The following SCN10A variants were observed in gnomAD, a reference collection of about 807,000 sequenced individuals.
The protein encoded by SCN10A is sodium voltage-gated channel alpha subunit 10.
Under a neutral mutation model 170.7 loss-of-function variants are expected in SCN10A, and 162 were observed. The observed-to-expected ratio is 0.95, with a 90% CI of 0.84 to 1.08. The LOEUF is 1.08. Among genes scored for constraint, SCN10A ranks in the 50% least tolerant of loss-of-function variants. The probability of loss-of-function intolerance (pLI) is 0.00; values close to 1 mark genes in which losing one functional copy is unlikely to be tolerated. For missense variants in SCN10A, 2,527 were observed against 2,436.9 expected, an observed-to-expected ratio of 1.04 and a Z score of -0.78; for synonymous variants, 985 against 904.6, an observed-to-expected ratio of 1.09 and a Z score of -1.59.
rs114406379 is a variant in SCN10A, at chr3:38,759,132, C to T, written c.950+1549G>A. On this transcript the variant is annotated intron_variant, in intron 8 of 27. Transcript: ENST00000449082. Reference sequence around the variant, plus strand: ...CCTAGTGAGCTGATGAAGGTGGAGCCTCATGCAGGCTCCACACAGGTCGAC... The same window carrying T: ...CCTAGTGAGCTGATGAAGGTGGAGCTTCATGCAGGCTCCACACAGGTCGAC... Among the ~76,000 whole-genome samples, 1,135 of 152,244 alleles carry T rather than the reference C, an allele frequency of 7.5e-3. 15 individuals are homozygous for T. Among genetic ancestry groups the T allele is most frequent in the African/African-American group, 0.024 (1,003 of 41,554 alleles).
intron 27 of SCN10A, among the ~76,000 whole-genome samples, chr3:38,699,941 C>T (rs1328786632): frequency 2.6e-5 from 4 of 152,132 alleles, no homozygotes; most frequent in African/African-American, 7.2e-5. Context: ...CCTGCCCCAG[C>T]GGATGGTGCT....
Position 38,725,305 on chromosome 3 carries a change from G to A in SCN10A, c.3097C>T (p.Leu1033=). The stretch of plus-strand genomic sequence containing the variant: ...TCCCCACACCTCTCGACTTGCTGCA[G>A]CTGCTCCTGCTAGTGAGAGAGGGTC... The part of the protein sequence containing the change: ...EVIPKGQQEQ[L]QQVERCGDHL... The change falls in exon 18 of 28, where the codon CTG becomes TTG. Residue 1033 remains leucine, a synonymous_variant. Coordinates refer to ENST00000449082, the MANE Select transcript of SCN10A (RefSeq NM_006514.4). 6.3e-7 allele frequency: 1 copy of A among 1,577,086 alleles called. No homozygotes were observed. Among genetic ancestry groups the A allele is most frequent in the Non-Finnish European group, 8.7e-7 (1 of 1,151,730 alleles).
chr3:38,713,409 A>G (rs1207509309), intron 22 of SCN10A, among the ~76,000 whole-genome samples: 1 of 152,194 alleles, frequency 6.6e-6, no homozygotes, highest in Non-Finnish European at 1.5e-5. Flanking sequence ...GGTGATTGAG[A>G]TAATAGATGC....
intron 13 of SCN10A, among the ~76,000 whole-genome samples, chr3:38,744,516 T>C: frequency 6.6e-6 from 1 of 152,198 alleles, no homozygotes; most frequent in South Asian, 2.1e-4. Context: ...TTTTAAATTA[T>C]ACTTTAAGTT....
intron 19 of SCN10A, among the ~76,000 whole-genome samples, chr3:38,722,881 T>C (rs1366537682): frequency 2.0e-5 from 3 of 152,244 alleles, no homozygotes; most frequent in Non-Finnish European, 4.4e-5. Context: ...AATTTTTCTT[T>C]GTATTTTTAG....
intron 5 of SCN10A, among the ~76,000 whole-genome samples, chr3:38,768,957 CT>C (rs1453380161): frequency 4.6e-5 from 7 of 151,920 alleles, no homozygotes; most frequent in African/African-American, 1.7e-4. Flanking sequence ...TTTAAAAATT[CT>C]TTCTTTTTGT....
chr3:38,766,770 T>C (rs1008875452), intron 5 of SCN10A, among the ~76,000 whole-genome samples: 12 of 152,180 alleles, frequency 7.9e-5, no homozygotes, highest in Non-Finnish European at 1.6e-4. Context: ...ATTCCCTCTT[T>C]CTGCATCTTT....
chr3:38,706,870 T>C (rs2063216158), intron 26 of SCN10A, among the ~76,000 whole-genome samples: 1 of 152,100 alleles, frequency 6.6e-6, no homozygotes, highest in Non-Finnish European at 1.5e-5. Context: ...TCTATACCTG[T>C]AGGCGTGGGG....
intron 21 of SCN10A, among the ~76,000 whole-genome samples, chr3:38,717,436 G>A (rs1003239577): frequency 1.3e-5 from 2 of 152,216 alleles, no homozygotes; most frequent in African/African-American, 2.4e-5. Context: ...GCCCCCAAAG[G>A]GGTGGGACAC....
At chr3:38,712,030 G>T in intron 23 of SCN10A, 131 bp downstream of exon 23, 1 of 838,232 alleles carries the variant, frequency 1.2e-6, no homozygotes, top group Non-Finnish European at 1.9e-6. Flanking sequence ...TGTAGGAATA[G>T]AGAATGACCT....
At chr3:38,719,253 G>A (rs529287701) in intron 20 of SCN10A, among the ~76,000 whole-genome samples, 8 of 152,066 alleles carry the variant, frequency 5.3e-5, no homozygotes, top group Non-Finnish European at 1.0e-4. Context: ...TATCTCACTG[G>A]TAATCAAGGA....
At chr3:38,813,893 T>C (rs1208096766) in intron 1 of SCN10A, among the ~76,000 whole-genome samples, 2 of 152,242 alleles carry the variant, frequency 1.3e-5, no homozygotes, top group Non-Finnish European at 2.9e-5. Context: ...CACATTCGAA[T>C]CTTATTCCCA....
At chr3:38,782,746 A>C (rs2126051089) in intron 4 of SCN10A, among the ~76,000 whole-genome samples, 1 of 152,176 alleles carries the variant, frequency 6.6e-6, no homozygotes, top group Middle Eastern at 3.4e-3. Flanking sequence ...TTATATTTTC[A>C]GTGTTCTGCA....
At chr3:38,734,758 T>C (rs903526720) in intron 15 of SCN10A, among the ~76,000 whole-genome samples, 3 of 152,216 alleles carry the variant, frequency 2.0e-5, no homozygotes, top group Non-Finnish European at 4.4e-5. Context: ...AGGATTCTTT[T>C]TGGGATCAGA....
rs745921364 is a variant in SCN10A at position 38,723,545 on chromosome 3, G to A, written c.3237C>T (p.Asp1079=). 49 of 1,594,082 alleles carry A rather than the reference G, an allele frequency of 3.1e-5. No individual in the cohort carries two copies. Among genetic ancestry groups the A allele is most frequent in the Middle Eastern group, 1.6e-4 (1 of 6,062 alleles). ...SVPQVPAEGV[D]DTSSSEGSTV... ...TGCTGCCCTCAGAGGAGCTTGTGTC[G>A]TCCACTCCCTGCAGGGGAGAAGCCC... Residue 1079 remains aspartate, a synonymous_variant, in exon 19 of 28, where the codon GAC becomes GAT. Coordinates refer to ENST00000449082, the MANE Select transcript of SCN10A (RefSeq NM_006514.4).
Position 38,757,002 on chromosome 3 carries a change from G to C in SCN10A, c.1092+16C>G. On this transcript the variant is annotated intron_variant, in intron 9 of 27. Transcript: ENST00000449082. ...AGCCTCCAACCAAGTCTGCGTGGGGGAATGCAGCTCAGTACCTGCTGGTAG... is the reference window on the plus strand; with the variant it reads ...AGCCTCCAACCAAGTCTGCGTGGGGCAATGCAGCTCAGTACCTGCTGGTAG... 6.2e-7 allele frequency: 1 copy of C among 1,605,194 alleles called. No homozygotes were observed. Among genetic ancestry groups the C allele is most frequent in the African/African-American group, 1.3e-5 (1 of 74,702 alleles).
intron 1 of SCN10A, among the ~76,000 whole-genome samples, chr3:38,795,341 C>T (rs372256771): frequency 3.9e-5 from 5 of 127,868 alleles, no homozygotes; most frequent in South Asian, 2.6e-4. Context: ...TTTTCTTTTT[C>T]TTTTTCTTTT....
chr3:38,793,658 C>A, intron 2 of SCN10A, 83 bp downstream of exon 2: 1 of 1,462,290 alleles, frequency 6.8e-7, no homozygotes, highest in Non-Finnish European at 9.3e-7. Flanking sequence ...TCACCCAGGG[C>A]CAAGGAGGAC....
chr3:38,736,776 C>T (rs963057786), intron 15 of SCN10A, among the ~76,000 whole-genome samples: 1 of 151,830 alleles, frequency 6.6e-6, no homozygotes, highest in Non-Finnish European at 1.5e-5. Flanking sequence ...GAGCACTGAT[C>T]AGCATGTTAA....
Sources: allele counts gnomAD v4.1 joint callset (sites outside exome capture counted in the v4.1 genomes callset), GRCh38; gene constraint gnomAD v4.1.1; transcripts MANE v1.5; gene names NCBI Gene and HGNC (gene_info 2026-07-23, HGNC 2026-07-21).